PIK3C3: variants seen among roughly 807,000 people sequenced by gnomAD.
PIK3C3 encodes PI3-kinase type 3.
In PIK3C3, 95 loss-of-function variants were observed where a neutral mutation model predicts 126.1. That is an observed-to-expected ratio of 0.75 (90% CI 0.64 to 0.89). The LOEUF (loss-of-function observed/expected upper bound fraction) is 0.89. PIK3C3 is among the 40% of genes least tolerant of loss of function. PIK3C3 has a pLI of 0.00. For missense variants in PIK3C3, 829 were observed against 1,063.2 expected, an observed-to-expected ratio of 0.78 and a Z score of 3.06; for synonymous variants, 374 against 360.0, an observed-to-expected ratio of 1.04 and a Z score of -0.44.
intron 15 of PIK3C3, among the ~76,000 whole-genome samples, chr18:42,030,200 A>G (rs549076667): frequency 3.3e-5 from 5 of 152,294 alleles, no homozygotes; most frequent in African/African-American, 7.2e-5. Flanking sequence ...AAAAGTCCAG[A>G]TTGACTTGCC....
rs192006717 is a variant in PIK3C3, at chr18:42,054,312, G to A, written c.2264-3571G>A. ...AAAACTGAAGAACTTGGAGTCGGAT[G>A]TTCGAGGGTAGGAAACATTCAGCAC... is the stretch of plus-strand genomic sequence containing the variant. On this transcript the variant is annotated intron_variant, in intron 21 of 24. Coordinates refer to ENST00000262039, the MANE Select transcript of PIK3C3 (RefSeq NM_002647.4). Among the ~76,000 whole-genome samples, 499 of 150,724 alleles carry A rather than the reference G, an allele frequency of 3.3e-3. 4 individuals are homozygous for A. The highest frequency in any genetic ancestry group is 0.012 in the African/African-American group (475 of 41,064).
chr18:41,956,122 G>A (rs1979758507), intron 1 of PIK3C3, among the ~76,000 whole-genome samples: 1 of 152,202 alleles, frequency 6.6e-6, no homozygotes, highest in Admixed American at 6.5e-5. Flanking sequence ...ACAAATTATT[G>A]ACCATAGCAT....
chr18:42,057,454 G>A (rs775353370), intron 21 of PIK3C3, among the ~76,000 whole-genome samples: 4 of 151,978 alleles, frequency 2.6e-5, no homozygotes, highest in Non-Finnish European at 5.9e-5. Context: ...TAATAAGTTA[G>A]CAGAAGGATT....
intron 10 of PIK3C3, among the ~76,000 whole-genome samples, chr18:42,009,974 G>T (rs1480910393): frequency 6.6e-6 from 1 of 152,102 alleles, no homozygotes; most frequent in South Asian, 2.1e-4. Flanking sequence ...AAAATAAAAC[G>T]AACGTAAACT....
chr18:42,074,317 A>C (rs1446989533), intron 24 of PIK3C3, among the ~76,000 whole-genome samples: 1 of 136,250 alleles, frequency 7.3e-6, no homozygotes, highest in African/African-American at 3.1e-5. Flanking sequence ...TATCACACAC[A>C]GGAATTTTTG....
At chr18:42,014,318 T>A (rs1208208881) in intron 11 of PIK3C3, among the ~76,000 whole-genome samples, 1 of 151,792 alleles carries the variant, frequency 6.6e-6, no homozygotes, top group Non-Finnish European at 1.5e-5. Flanking sequence ...TGTTTACACC[T>A]CTTTAGTAGT....
intron 4 of PIK3C3, among the ~76,000 whole-genome samples, chr18:41,976,086 A>G (rs1980906950): frequency 6.6e-6 from 1 of 152,204 alleles, no homozygotes; most frequent in Non-Finnish European, 1.5e-5. Context: ...ACGTTGACAA[A>G]TTATCACAAT....
chr18:42,016,477 G>A (rs1367477524), intron 12 of PIK3C3, among the ~76,000 whole-genome samples: 1 of 152,082 alleles, frequency 6.6e-6, no homozygotes, highest in Non-Finnish European at 1.5e-5. Context: ...TATGGGAACT[G>A]TTCTACATGC....
intron 9 of PIK3C3, among the ~76,000 whole-genome samples, chr18:42,003,101 A>G (rs751296060): frequency 6.6e-6 from 1 of 152,168 alleles, no homozygotes; most frequent in Non-Finnish European, 1.5e-5. Flanking sequence ...TATACAATTT[A>G]AGCATTGAAC....
chr18:42,057,585 G>A (rs768677231), intron 21 of PIK3C3: 42 of 261,844 alleles, frequency 1.6e-4, no homozygotes, highest in Admixed American at 1.2e-4. Context: ...AAGTTACCCA[G>A]GCTCTGACCG....
chr18:42,014,128 C>T (rs952823410), intron 11 of PIK3C3, among the ~76,000 whole-genome samples: 1 of 147,850 alleles, frequency 6.8e-6, no homozygotes, highest in Non-Finnish European at 1.5e-5. Flanking sequence ...AACATGGTGA[C>T]ACCCGGGAGG....
intron 22 of PIK3C3, among the ~76,000 whole-genome samples, chr18:42,061,202 C>A (rs537594732): frequency 3.8e-4 from 58 of 152,282 alleles, no homozygotes; most frequent in African/African-American, 1.3e-3. Context: ...ATATCACATT[C>A]CATCTTGCAA....
chr18:42,035,426 C>T (rs1213685658), intron 16 of PIK3C3, among the ~76,000 whole-genome samples: 2 of 151,984 alleles, frequency 1.3e-5, no homozygotes, highest in Non-Finnish European at 2.9e-5. Flanking sequence ...AGATATATCT[C>T]CCTCTATTGG....
intron 10 of PIK3C3, among the ~76,000 whole-genome samples, chr18:42,009,230 A>G (rs1437960063): frequency 6.6e-6 from 1 of 152,198 alleles, no homozygotes; most frequent in East Asian, 1.9e-4. Flanking sequence ...AAACAACACT[A>G]TAGAGAGACT....
chr18:41,978,948 A>G (rs1981061584), intron 4 of PIK3C3, among the ~76,000 whole-genome samples: 1 of 151,290 alleles, frequency 6.6e-6, no homozygotes, highest in Non-Finnish European at 1.5e-5. Context: ...CTAGCTAGGC[A>G]TGTTGGTGTG....
At chr18:42,019,460 C>T (rs1388852935) in intron 12 of PIK3C3, among the ~76,000 whole-genome samples, 1 of 152,138 alleles carries the variant, frequency 6.6e-6, no homozygotes, top group Non-Finnish European at 1.5e-5. Flanking sequence ...ACATTCTTTT[C>T]AGCTTCTTCA....
chr18:42,001,745 G>A (rs1471159543), intron 9 of PIK3C3, among the ~76,000 whole-genome samples: 1 of 152,084 alleles, frequency 6.6e-6, no homozygotes, highest in East Asian at 1.9e-4. Flanking sequence ...GATTGTTTCA[G>A]TTATTGAATT....
At chr18:41,987,583 C>T (rs533040859) in intron 4 of PIK3C3, among the ~76,000 whole-genome samples, 78 of 152,038 alleles carry the variant, frequency 5.1e-4, no homozygotes, top group African/African-American at 1.8e-3. Flanking sequence ...TATTCTTTAT[C>T]ATGTCAAAAT....
chr18:42,015,242 C>A (rs950101774), intron 11 of PIK3C3, among the ~76,000 whole-genome samples: 1 of 152,058 alleles, frequency 6.6e-6, no homozygotes, highest in African/African-American at 2.4e-5. Context: ...ACAGCACTTA[C>A]CCAAACCTTT....
Sources: gnomAD v4.1 joint callset for allele counts (sites outside exome capture counted in the v4.1 genomes callset) on GRCh38, gnomAD v4.1.1 for gene constraint, MANE v1.5 for transcripts, NCBI Gene and HGNC (gene_info 2026-07-23, HGNC 2026-07-21) for gene names.